The following WDR1 variants were observed in gnomAD, a reference collection of about 807,000 sequenced individuals.
The protein encoded by WDR1 is WD repeat domain 1, also known as WD repeat-containing protein 1.
A neutral mutation model predicts 71.9 loss-of-function variants in WDR1; 21 were observed. The ratio of observed to expected loss-of-function variants is 0.29; its 90% CI spans 0.21 to 0.42. WDR1 has a LOEUF of 0.42. Ranked by LOEUF, WDR1 falls within the 10% of genes least tolerant of loss-of-function variation. WDR1 has a pLI of 1.00. For synonymous variants in WDR1, 424 were observed against 347.4 expected, an observed-to-expected ratio of 1.22 and a Z score of -2.45; for missense variants, 696 against 824.5, an observed-to-expected ratio of 0.84 and a Z score of 1.91.
intron 11 of WDR1, among the ~76,000 whole-genome samples, chr4:10,079,602 C>T (rs1042994947): frequency 2.0e-5 from 3 of 152,212 alleles, no homozygotes; most frequent in African/African-American, 4.8e-5. Context: ...ATCTCCCTTC[C>T]TTGTCAATTC....
chr4:10,101,690 C>A (rs1712692417), intron 3 of WDR1, among the ~76,000 whole-genome samples: 1 of 152,198 alleles, frequency 6.6e-6, no homozygotes, highest in Non-Finnish European at 1.5e-5. Flanking sequence ...CATTGGACAC[C>A]TTTCTGGGGA....
In WDR1 at chr4:10,116,675, A is replaced by C. The variant is rs1201153295; in HGVS notation, c.-9T>G. On this transcript the variant is annotated 5_prime_UTR_variant, in exon 1 of 15. Transcript: ENST00000499869. The stretch of plus-strand genomic sequence containing the variant: ...CTGATCTCGTACGGCATCCTCGCCC[A>C]CTTGTTACCGCGCCGCGCTCGCCGA... The C allele has an allele frequency of 1.8e-5, 24 of 1,348,262 alleles. No homozygotes were observed. Among genetic ancestry groups the C allele is most frequent in the Non-Finnish European group, 2.3e-5 (24 of 1,042,864 alleles). 83.5% of individuals were successfully genotyped at this position (1,348,262 alleles called of 1,614,324 possible). A position where few individuals can be genotyped will look rare whatever the true frequency, so the allele number is the denominator to read the frequency against.
chr4:10,077,010 T>TTTAA (rs1308060212), intron 14 of WDR1: 9 of 391,400 alleles, frequency 2.3e-5, no homozygotes, highest in African/African-American at 1.8e-4. Context: ...GGGGAGACCC[T>TTTAA]GGTCCCAGGT....
At chr4:10,088,642 C>G in intron 6 of WDR1, 22 bp downstream of exon 6, 7 of 1,587,406 alleles carry the variant, frequency 4.4e-6, no homozygotes, top group Non-Finnish European at 5.2e-6. Flanking sequence ...TTCCCCACCC[C>G]AAAACCCATC....
intron 5 of WDR1, among the ~76,000 whole-genome samples, chr4:10,090,253 T>A (rs1262376697): frequency 6.6e-6 from 1 of 152,186 alleles, no homozygotes; most frequent in African/African-American, 2.4e-5. Flanking sequence ...ACACATGTCA[T>A]CAATGCTGCC....
At chr4:10,112,642 C>T (rs1016967833) in intron 2 of WDR1, among the ~76,000 whole-genome samples, 1 of 152,210 alleles carries the variant, frequency 6.6e-6, no homozygotes, top group African/African-American at 2.4e-5. Context: ...CAACGGTGCT[C>T]GCCTCTTAGG....
rs1420443023 is a variant in WDR1 at position 10,075,225 on chromosome 4, C to G, written c.*153G>C. On this transcript the variant is annotated 3_prime_UTR_variant, in exon 15 of 15. Coordinates refer to ENST00000499869, the MANE Select transcript of WDR1 (RefSeq NM_017491.5). ...CTTTCAGAAGAACGTGTACAGACAC[C>G]CTGCAGAGACGAGGGTCATGACTGG... 2 of 643,538 alleles carry G rather than the reference C, an allele frequency of 3.1e-6. No individual in the cohort carries two copies. The highest frequency in any genetic ancestry group is 5.5e-6 in the Non-Finnish European group (2 of 361,200). The allele number at this position is 643,538 out of a possible 1,614,324, so 39.9% of individuals were successfully genotyped here. A position where few individuals can be genotyped will look rare whatever the true frequency, so the allele number is the denominator to read the frequency against.
rs1711733794 is a variant in WDR1, at chr4:10,088,379, A to G, written c.637-6T>C. ...TTCCCGTCATAGATGTATATCTTCC[A>G]AGAAATAAAAACATGTGGGTCATGT... On this transcript the variant is annotated splice_region_variant and splice_polypyrimidine_tract_variant and intron_variant, in intron 6 of 14. Transcript: ENST00000499869. The G allele has an allele frequency of 6.4e-7, 1 of 1,553,910 alleles. No homozygotes were observed. Among genetic ancestry groups the G allele is most frequent in the Non-Finnish European group, 8.7e-7 (1 of 1,148,264 alleles).
intron 13 of WDR1, 65 bp from the exon 14 acceptor site, chr4:10,077,513 C>A: frequency 6.2e-7 from 1 of 1,605,814 alleles, no homozygotes; most frequent in Non-Finnish European, 8.5e-7. Flanking sequence ...CCCATATCAC[C>A]TCGCTTATCC....
intron 5 of WDR1, among the ~76,000 whole-genome samples, chr4:10,089,892 C>G (rs1216883071): frequency 6.6e-6 from 1 of 152,160 alleles, no homozygotes; most frequent in African/African-American, 2.4e-5. Flanking sequence ...AAGTCCCAAC[C>G]CTGGGACCCA....
chr4:10,090,598 C>G (rs1337653446), intron 5 of WDR1, among the ~76,000 whole-genome samples: 1 of 152,230 alleles, frequency 6.6e-6, no homozygotes. Context: ...GCCAACAACC[C>G]AAACTTGCTT....
At chr4:10,086,324 T>G (rs539975818) in intron 8 of WDR1, among the ~76,000 whole-genome samples, 1 of 152,304 alleles carries the variant, frequency 6.6e-6, no homozygotes, top group Non-Finnish European at 1.5e-5. Flanking sequence ...GATTCCCCTC[T>G]ATCCTCGAGG....
chr4:10,109,563 C>T (rs1016851764), intron 2 of WDR1, among the ~76,000 whole-genome samples: 10 of 152,212 alleles, frequency 6.6e-5, no homozygotes, highest in Non-Finnish European at 1.0e-4. Context: ...ATGCCCTGAA[C>T]GACTTTCCCC....
intron 9 of WDR1, chr4:10,083,538 G>C: frequency 2.1e-6 from 1 of 473,814 alleles, no homozygotes; most frequent in Admixed American, 2.3e-5. Context: ...TGGCATGTCT[G>C]CCCTCCTCTC....
At chr4:10,109,879 C>T (rs753907255) in intron 2 of WDR1, among the ~76,000 whole-genome samples, 1 of 152,194 alleles carries the variant, frequency 6.6e-6, no homozygotes, top group Non-Finnish European at 1.5e-5. Context: ...AAGACAAGAG[C>T]AGAGGTCCCT....
intron 2 of WDR1, among the ~76,000 whole-genome samples, chr4:10,104,724 C>A (rs1441801705): frequency 6.6e-6 from 1 of 152,192 alleles, no homozygotes; most frequent in African/African-American, 2.4e-5. Flanking sequence ...ACACACTGGG[C>A]TGCTCTCAAT....
chr4:10,097,481 G>C (rs895227799), intron 5 of WDR1, among the ~76,000 whole-genome samples: 1 of 152,336 alleles, frequency 6.6e-6, no homozygotes, highest in Admixed American at 6.5e-5. Flanking sequence ...TCATCCTAGG[G>C]CAGGGCCCTT....
chr4:10,097,933 A>AT lies in WDR1; in HGVS notation c.378-43_378-42insA, dbSNP rs749396254. ...AGGTGGAAGACAAAAAAAAAAAAAAAAAATCAATCCCAGAAGGCTGGTAAG... is the reference window on the plus strand; with the variant it reads ...AGGTGGAAGACAAAAAAAAAAAAAAATAAATCAATCCCAGAAGGCTGGTAAG... On this transcript the variant is annotated intron_variant, in intron 4 of 14. Coordinates refer to ENST00000499869, the MANE Select transcript of WDR1 (RefSeq NM_017491.5). 5 of 1,500,176 alleles carry AT rather than the reference A, an allele frequency of 3.3e-6. No homozygotes were observed. In the African/African-American group the frequency reaches 7.1e-5, roughly 21 times the overall value. 92.9% of individuals were successfully genotyped at this position (1,500,176 alleles called of 1,614,324 possible).
At chr4:10,113,992 A>G (rs1713553028) in intron 2 of WDR1, among the ~76,000 whole-genome samples, 1 of 152,156 alleles carries the variant, frequency 6.6e-6, no homozygotes, top group African/African-American at 2.4e-5. Context: ...CTGAGCCTGC[A>G]TTCCAAACAG....
Sources: allele counts gnomAD v4.1 joint callset (sites outside exome capture counted in the v4.1 genomes callset), GRCh38; gene constraint gnomAD v4.1.1; transcripts MANE v1.5; gene names NCBI Gene and HGNC (gene_info 2026-07-23, HGNC 2026-07-21).